NPAS2: variants seen among roughly 807,000 people sequenced by gnomAD.
NPAS2 encodes the protein neuronal PAS domain protein 2, also known as neuronal PAS domain-containing protein 2.
A neutral mutation model predicts 107.5 loss-of-function variants in NPAS2; 23 were observed. The ratio of observed to expected loss-of-function variants is 0.21; its 90% CI spans 0.15 to 0.30. The LOEUF is 0.30. Among genes scored for constraint, NPAS2 ranks in the 10% least tolerant of loss-of-function variants. The pLI, the probability that NPAS2 is intolerant of heterozygous loss-of-function variation, is 1.00. For synonymous variants in NPAS2, 403 were observed against 417.5 expected (o/e 0.97, Z 0.42); for missense variants, 756 against 1,043.3 (o/e 0.72, Z 3.79).
In NPAS2 at chr2:100,990,301, C is replaced by T. The variant is rs1291433325; in HGVS notation, c.1873C>T (p.Arg625Cys). Residue 625 changes from arginine (R) to cysteine (C), a missense_variant, in exon 18 of 21, where the codon CGC becomes TGC. Physicochemically the swap from Arg to Cys is radical, Grantham distance 180 (BLOSUM62 -3). Transcript: ENST00000335681. ...RSSQLMQSSG[R>C]SGSSLVSPFS... ...CTCACAGCTAATGCAGAGCAGCGGC[C>T]GCTCTGGAAGCAGCCTAGTGTCCCC... The T allele has an allele frequency of 6.8e-6, 11 of 1,614,106 alleles. No individual in the cohort carries two copies. Among genetic ancestry groups the T allele is most frequent in the Middle Eastern group, 1.6e-4 (1 of 6,062 alleles).
chr2:100,907,983 G>A (rs1682278582), intron 2 of NPAS2, among the ~76,000 whole-genome samples: 1 of 152,152 alleles, frequency 6.6e-6, no homozygotes, highest in South Asian at 2.1e-4. Context: ...CCAGTTATAA[G>A]CATGTCTTTC....
intron 5 of NPAS2, among the ~76,000 whole-genome samples, chr2:100,942,216 G>A (rs555675430): frequency 2.0e-5 from 3 of 152,194 alleles, no homozygotes; most frequent in Non-Finnish European, 2.9e-5. Flanking sequence ...TACAAGACCA[G>A]AATGGGATAT....
At chr2:100,963,695 C>T (rs1410438244) in intron 7 of NPAS2, among the ~76,000 whole-genome samples, 2 of 152,194 alleles carry the variant, frequency 1.3e-5, no homozygotes, top group African/African-American at 4.8e-5. Flanking sequence ...GGATTACAGG[C>T]GTGAGCCACT....
intron 10 of NPAS2, among the ~76,000 whole-genome samples, chr2:100,966,428 C>T (rs1256221191): frequency 3.9e-5 from 6 of 152,122 alleles, no homozygotes; most frequent in Non-Finnish European, 7.3e-5. Flanking sequence ...TCCGAGTTCT[C>T]ACTTAGCAAG....
At position 100,925,221 on chromosome 2, in the gene NPAS2, C is replaced by T; in HGVS notation, c.108C>T (p.Leu36=). ...TCATCAAAGAGCTCAGTTCCATGCT[C>T]CCTGGCAACACGCGGAAAATGGACA... is the stretch of plus-strand genomic sequence containing the variant. The part of the protein sequence containing the change: ...NVLIKELSSM[L]PGNTRKMDKT... The change falls in exon 3 of 21, where the codon CTC becomes CTT. Residue 36 remains leucine (L), a synonymous_variant. Coordinates refer to ENST00000335681, the MANE Select transcript of NPAS2 (RefSeq NM_002518.4). 6.2e-7 allele frequency: 1 copy of T among 1,614,110 alleles called. No individual in the cohort carries two copies. Among genetic ancestry groups the T allele is most frequent in the Non-Finnish European group, 8.5e-7 (1 of 1,180,002 alleles).
rs1218871186 is a variant in NPAS2 at position 100,976,174 on chromosome 2, C to T, written c.1392+607C>T. Among the ~76,000 whole-genome samples the T allele has an allele frequency of 6.6e-6, 1 of 151,954 alleles. No homozygotes were observed. The highest frequency in any genetic ancestry group is 2.4e-5 in the African/African-American group (1 of 41,360). On this transcript the variant is annotated intron_variant, in intron 14 of 20. Transcript: ENST00000335681. The surrounding 1 kb of genome is among the most constrained non-coding windows in gnomAD (Gnocchi z 4.1). ...AGGGCATCATGGGGATGGCACTTCT[C>T]TGCTCCTTGGTGTCGGGGATCTCGT...
Position 100,873,329 on chromosome 2 carries a change from C to T in NPAS2, c.-22-31404C>T, listed in dbSNP as rs1370253725. On this transcript the variant is annotated intron_variant, in intron 1 of 20. Transcript: ENST00000335681. ...ATATACACACACACACACACACACA[C>T]ACACACACACACATATATACATACA... 2.2e-3 allele frequency among the ~76,000 whole-genome samples: 286 copies of T among 131,660 alleles called. 2 individuals are homozygous for T. The highest frequency in any genetic ancestry group is 8.3e-3 in the African/African-American group (266 of 32,050). 86.4% of individuals were successfully genotyped at this position (131,660 alleles called of 152,430 possible).
At chr2:100,893,762 T>C (rs989311949) in intron 1 of NPAS2, among the ~76,000 whole-genome samples, 2 of 152,254 alleles carry the variant, frequency 1.3e-5, no homozygotes, top group Non-Finnish European at 2.9e-5. Flanking sequence ...AAAGTTTTAT[T>C]GAAACACAGC....
At chr2:100,928,529 C>T (rs1054015868) in intron 3 of NPAS2, among the ~76,000 whole-genome samples, 6 of 152,080 alleles carry the variant, frequency 3.9e-5, no homozygotes, top group Non-Finnish European at 8.8e-5. Context: ...GAAATGCAGC[C>T]TCCAAATACC....
chr2:100,958,740 T>C (rs1675728612), intron 7 of NPAS2, among the ~76,000 whole-genome samples: 1 of 152,126 alleles, frequency 6.6e-6, no homozygotes, highest in Non-Finnish European at 1.5e-5. Context: ...GTGATAAAAA[T>C]GTGTGTGAGA....
intron 15 of NPAS2, among the ~76,000 whole-genome samples, chr2:100,978,091 T>G (rs1409070929): frequency 6.8e-6 from 1 of 147,364 alleles, no homozygotes; most frequent in Non-Finnish European, 1.5e-5. Flanking sequence ...ATTTCTGAGA[T>G]TTGTGTACCT....
At position 100,990,817 on chromosome 2, in the gene NPAS2, G is replaced by A. The variant is rs761426802; in HGVS notation, c.2056G>A (p.Gly686Arg). The A allele has an allele frequency of 9.9e-6, 16 of 1,614,010 alleles. No individual in the cohort carries two copies. Among genetic ancestry groups the A allele is most frequent in the African/African-American group, 4.0e-5 (3 of 74,906 alleles). ...LSQPIQPMMP[G>R]SCDARQPSEV... ...CCAGCCCATCCAGCCCATGATGCCCGGGTCCTGTGACGCAAGGCAGCCCTC... is the reference window on the plus strand; with the variant it reads ...CCAGCCCATCCAGCCCATGATGCCCAGGTCCTGTGACGCAAGGCAGCCCTC... The change falls in exon 19 of 21, where the codon GGG becomes AGG. Residue 686 changes from glycine to arginine, a missense_variant. Gly to Arg is a moderately radical substitution (Grantham distance 125). Coordinates refer to ENST00000335681, the MANE Select transcript of NPAS2 (RefSeq NM_002518.4).
chr2:100,852,848 C>T (rs1558808912), intron 1 of NPAS2, among the ~76,000 whole-genome samples: 1 of 152,134 alleles, frequency 6.6e-6, no homozygotes, highest in Non-Finnish European at 1.5e-5. Flanking sequence ...CTAGTTCCTG[C>T]AGGGGCGTTC....
chr2:100,985,457 T>C (rs1677726676), intron 16 of NPAS2: 1 of 152,254 alleles, frequency 6.6e-6, no homozygotes, highest in African/African-American at 2.4e-5. Context: ...AGGATATACA[T>C]CGATGGGACA....
At chr2:100,889,372 T>C (rs571930888) in intron 1 of NPAS2, among the ~76,000 whole-genome samples, 4 of 152,330 alleles carry the variant, frequency 2.6e-5, no homozygotes, top group African/African-American at 9.6e-5. Flanking sequence ...GGGCTTTCTG[T>C]TTGTTGAGGT....
chr2:100,931,907 C>T (rs1191019514), intron 3 of NPAS2, among the ~76,000 whole-genome samples: 2 of 150,850 alleles, frequency 1.3e-5, no homozygotes, highest in African/African-American at 2.4e-5. Context: ...AACACAGGCA[C>T]AAAGGAGAGA....
intron 4 of NPAS2, among the ~76,000 whole-genome samples, chr2:100,935,863 A>T (rs1220358401): frequency 6.6e-6 from 1 of 152,170 alleles, no homozygotes; most frequent in African/African-American, 2.4e-5. Flanking sequence ...CTGTAACTCA[A>T]ATCTAACCCA....
chr2:100,984,560 T>C (rs1397598432), intron 16 of NPAS2: 1 of 152,140 alleles, frequency 6.6e-6, no homozygotes, highest in East Asian at 1.9e-4. Context: ...GAGTGTAGGA[T>C]TGGTTTGTTC....
chr2:100,827,927 A>G (rs1474507017), intron 1 of NPAS2, among the ~76,000 whole-genome samples: 3 of 152,192 alleles, frequency 2.0e-5, no homozygotes, highest in Admixed American at 2.0e-4. Context: ...GATAGATACT[A>G]CTATCAGTAG....
Sources: allele counts gnomAD v4.1 joint callset (sites outside exome capture counted in the v4.1 genomes callset), GRCh38; gene constraint gnomAD v4.1.1; non-coding constraint Gnocchi (gnomAD v3.1); transcripts MANE v1.5; gene names NCBI Gene and HGNC (gene_info 2026-07-23, HGNC 2026-07-21).